The following KCTD1 variants were observed in gnomAD, a reference collection of about 807,000 sequenced individuals.
The protein encoded by KCTD1 is BTB/POZ domain-containing protein KCTD1.
In KCTD1, 24 loss-of-function variants were observed where a neutral mutation model predicts 66.0. That is an observed-to-expected ratio of 0.36 (90% CI 0.26 to 0.51). The LOEUF is 0.51. KCTD1 is among the 20% of genes least tolerant of loss of function. The pLI, the probability that KCTD1 is intolerant of heterozygous loss-of-function variation, is 0.95. For synonymous variants in KCTD1, 511 were observed against 517.2 expected (o/e 0.99, Z 0.16); for missense variants, 943 against 1,205.2 (o/e 0.78, Z 3.22).
At chr18:26,497,357 G>A (rs1982531006) in intron 2 of KCTD1, among the ~76,000 whole-genome samples, 1 of 152,046 alleles carries the variant, frequency 6.6e-6, no homozygotes, top group Admixed American at 6.6e-5. Flanking sequence ...GGCAGAGAAT[G>A]GTCCCATAGG....
chr18:26,547,048 TGG>T lies in KCTD1; in HGVS notation c.1487_1488del (p.Pro496HisfsTer120). 1 of 247,990 alleles carries T rather than the reference TGG, an allele frequency of 4.0e-6. No individual in the cohort carries two copies. The highest frequency in any genetic ancestry group is 7.6e-6 in the Non-Finnish European group (1 of 132,138). 15.4% of individuals were successfully genotyped at this position (247,990 alleles called of 1,614,324 possible). On this transcript the variant is annotated frameshift_variant, in exon 1 of 5. Coordinates refer to ENST00000580059, the MANE Select transcript of KCTD1 (RefSeq NM_001142730.3). LOFTEE classifies it high-confidence loss of function. Reference protein sequence around the residue: ...GAARHHSHHPPTHPSHHHRPQ... With the variant: ...GAARHHSHHPXTHPSHHHRPQ... Reference sequence around the variant, plus strand: ...GGGCGGTGGTGGTGGGAGGGATGGGTGGGGGGGTGGTGGGAGTGGTGCCGTGC... The same window carrying T: ...GGGCGGTGGTGGTGGGAGGGATGGGTGGGGGTGGTGGGAGTGGTGCCGTGC...
upstream of KCTD1, among the ~76,000 whole-genome samples, chr18:26,552,366 C>T (rs1242949486): frequency 6.6e-6 from 1 of 152,202 alleles, no homozygotes; most frequent in Admixed American, 6.5e-5. Context: ...TTCCTCTCTA[C>T]TAAAGCAACA....
At chr18:26,533,797 GC>G (rs1364512682) in intron 1 of KCTD1, among the ~76,000 whole-genome samples, 5 of 146,466 alleles carry the variant, frequency 3.4e-5, no homozygotes, top group Admixed American at 2.8e-4. Flanking sequence ...ACCACTCCTG[GC>G]CTGTGAGAAT....
chr18:26,603,371 G>T (rs1301356570), intron 1 of KCTD1, among the ~76,000 whole-genome samples: 2 of 150,824 alleles, frequency 1.3e-5, no homozygotes, highest in Non-Finnish European at 2.9e-5. Context: ...GGTTGAGGCT[G>T]CAGTGAACCA....
At chr18:26,512,166 C>T (rs1341631604) in intron 1 of KCTD1, among the ~76,000 whole-genome samples, 3 of 151,864 alleles carry the variant, frequency 2.0e-5, no homozygotes, top group Non-Finnish European at 4.4e-5. Flanking sequence ...TGCAGTAGCG[C>T]GATCTTGGCT....
intron 1 of KCTD1, among the ~76,000 whole-genome samples, chr18:26,602,607 C>T (rs567244501): frequency 1.7e-4 from 26 of 152,344 alleles, no homozygotes; most frequent in Admixed American, 1.7e-3. Flanking sequence ...TCCAGAGTCT[C>T]ATCACACAAT....
intron 1 of KCTD1, among the ~76,000 whole-genome samples, chr18:26,570,695 G>A (rs943277250): frequency 6.6e-6 from 1 of 152,186 alleles, no homozygotes. Flanking sequence ...ACAGGCATGA[G>A]CCACCACACC....
chr18:26,517,658 C>CAAAAA (rs968619785), intron 1 of KCTD1, among the ~76,000 whole-genome samples: 3 of 53,406 alleles, frequency 5.6e-5, no homozygotes, highest in Non-Finnish European at 6.7e-5. Flanking sequence ...ACTCCGTCTC[C>CAAAAA]AAAAAAAAAA....
intron 3 of KCTD1, chr18:26,460,863 A>G (rs935877527): frequency 6.6e-6 from 1 of 152,258 alleles, no homozygotes; most frequent in African/African-American, 2.4e-5. Context: ...ACTCAGGAAC[A>G]ATGTTAACAA....
At chr18:26,495,200 G>C (rs1159515680) in intron 2 of KCTD1, among the ~76,000 whole-genome samples, 1 of 152,016 alleles carries the variant, frequency 6.6e-6, no homozygotes, top group African/African-American at 2.4e-5. Flanking sequence ...GTTAAAACTG[G>C]AACTGTAAAG....
At chr18:26,618,041 AG>A (rs1404772969) in intron 1 of KCTD1, among the ~76,000 whole-genome samples, 3 of 151,876 alleles carry the variant, frequency 2.0e-5, no homozygotes, top group Non-Finnish European at 4.4e-5. Flanking sequence ...CCAGTTACGA[AG>A]GCAGTGTTAA....
At chr18:26,638,013 C>A (rs1187338559) in intron 1 of KCTD1, among the ~76,000 whole-genome samples, 2 of 152,166 alleles carry the variant, frequency 1.3e-5, no homozygotes, top group East Asian at 1.9e-4. Flanking sequence ...ACATCAAAGA[C>A]TTAAGGAAAT....
At chr18:26,652,533 C>T (rs1988055921) in intron 1 of KCTD1, among the ~76,000 whole-genome samples, 1 of 152,186 alleles carries the variant, frequency 6.6e-6, no homozygotes, top group African/African-American at 2.4e-5. Context: ...AATTAATTTG[C>T]ACTATAAGGC....
At chr18:26,657,304 G>A (rs1449207648) in intron 1 of KCTD1, 3 of 984,294 alleles carry the variant, frequency 3.0e-6, no homozygotes, top group Non-Finnish European at 3.6e-6. Flanking sequence ...TGCGCCCAAA[G>A]TCCCAGCCAT....
chr18:26,481,445 T>C (rs1265943652), intron 2 of KCTD1, among the ~76,000 whole-genome samples: 2 of 152,130 alleles, frequency 1.3e-5, no homozygotes, highest in African/African-American at 4.8e-5. Flanking sequence ...TGCCATGTGA[T>C]TACTCTCTAT....
intron 2 of KCTD1, among the ~76,000 whole-genome samples, chr18:26,479,643 A>G (rs1981532130): frequency 6.6e-6 from 1 of 152,228 alleles, no homozygotes; most frequent in South Asian, 2.1e-4. Context: ...AACGTTCCCC[A>G]TTGGAAGCAA....
chr18:26,499,762 G>A (rs953754944), intron 2 of KCTD1, among the ~76,000 whole-genome samples: 6 of 152,082 alleles, frequency 3.9e-5, no homozygotes, highest in African/African-American at 7.2e-5. Context: ...AAATGTGGCC[G>A]GTGCCCTTCT....
intron 1 of KCTD1, among the ~76,000 whole-genome samples, chr18:26,606,693 T>TAGGCTGACCTGC (rs1252439222): frequency 6.6e-6 from 1 of 152,240 alleles, no homozygotes; most frequent in African/African-American, 2.4e-5. Context: ...CATCGAGCCC[T>TAGGCTGACCTGC]TGGCTGACCT....
Position 26,648,009 on chromosome 18 carries a change from A to AT in KCTD1, c.9+9350dup, listed in dbSNP as rs547991876. ...AGGCGTGCACCACCATGCCTGTATA[A>AT]TTTTTTTTGTATTTTTAGTAGAGAC... On this transcript the variant is annotated intron_variant, in intron 1 of 4. Transcript: ENST00000580191. Among the ~76,000 whole-genome samples, 23 of 151,654 alleles carry AT rather than the reference A, an allele frequency of 1.5e-4. 1 individual carries two copies. In the South Asian group the frequency reaches 3.1e-3, roughly 21 times the overall value.
Sources: gnomAD v4.1 joint callset for allele counts (sites outside exome capture counted in the v4.1 genomes callset) on GRCh38, gnomAD v4.1.1 for gene constraint, MANE v1.5 for transcripts, NCBI Gene and HGNC (gene_info 2026-07-23, HGNC 2026-07-21) for gene names.